Variants in DTX1 observed in about 807,000 individuals in gnomAD.
DTX1 encodes the protein deltex E3 ubiquitin ligase 1, also known as E3 ubiquitin-protein ligase DTX1.
A neutral mutation model predicts 57.8 loss-of-function variants in DTX1; 26 were observed. The observed-to-expected ratio is 0.45, with a 90% CI of 0.33 to 0.62. DTX1 has a LOEUF of 0.62. Ranked by LOEUF, DTX1 falls within the 20% of genes least tolerant of loss-of-function variation. The pLI, the probability that DTX1 is intolerant of heterozygous loss-of-function variation, is 0.02. For missense variants in DTX1, 704 were observed against 895.3 expected, an observed-to-expected ratio of 0.79 and a Z score of 2.73; for synonymous variants, 398 against 394.1, an observed-to-expected ratio of 1.01 and a Z score of -0.12.
intron 3 of DTX1, among the ~76,000 whole-genome samples, chr12:113,082,020 C>T (rs981154978): frequency 2.0e-5 from 3 of 151,954 alleles, no homozygotes; most frequent in African/African-American, 4.8e-5. Flanking sequence ...TTTGGGGGTG[C>T]GGATCATTAA....
At chr12:113,079,383 C>T (rs902837997) in intron 3 of DTX1, among the ~76,000 whole-genome samples, 1 of 152,156 alleles carries the variant, frequency 6.6e-6, no homozygotes, top group African/African-American at 2.4e-5. Context: ...GCATCCAGCT[C>T]ACCCCTTTTA....
At position 113,060,464 on chromosome 12, in the gene DTX1, G is replaced by T. The variant is rs188783636; in HGVS notation, c.259+2013G>T. Among the ~76,000 whole-genome samples the T allele has an allele frequency of 2.6e-5, 4 of 152,300 alleles. No homozygotes were observed. In the East Asian group the frequency reaches 5.8e-4, roughly 22 times the overall value. ...CCTGAGAAAGTGATGTTTGAACAGAGATCTGAAGAATGAGTGAGGGTGCCA... is the reference window on the plus strand; with the variant it reads ...CCTGAGAAAGTGATGTTTGAACAGATATCTGAAGAATGAGTGAGGGTGCCA... On this transcript the variant is annotated intron_variant, in intron 2 of 9. Coordinates refer to ENST00000548759, the MANE Select transcript of DTX1 (RefSeq NM_004416.3).
rs1950266153 is a variant in DTX1, at chr12:113,093,983, G to C, written c.1166-55G>C. On this transcript the variant is annotated intron_variant, in intron 5 of 9. Coordinates refer to ENST00000548759, the MANE Select transcript of DTX1 (RefSeq NM_004416.3). The surrounding 1 kb of genome is among the most constrained non-coding windows in gnomAD (Gnocchi z 4.2). ...GACCCCTGACCCAGTTCTGAGCCAA[G>C]CCTTCGGGGACAGACTCTGGGTACC... is the stretch of plus-strand genomic sequence containing the variant. 3.4e-5 allele frequency: 53 copies of C among 1,555,584 alleles called. No homozygotes were observed. Among genetic ancestry groups the C allele is most frequent in the Non-Finnish European group, 4.5e-5 (52 of 1,148,120 alleles).
intron 3 of DTX1, chr12:113,090,062 C>T (rs1379863): frequency 0.96 from 145,875 of 152,296 alleles, 69,960 homozygotes; most frequent in Admixed American, 0.98. Context: ...CTGCCACAGG[C>T]AGGAGACCAA....
At chr12:113,073,264 G>A (rs1228389050) in intron 2 of DTX1, among the ~76,000 whole-genome samples, 2 of 152,174 alleles carry the variant, frequency 1.3e-5, no homozygotes, top group African/African-American at 4.8e-5. Context: ...GGGAAACTGA[G>A]GCCCTGAGAG....
chr12:113,087,035 C>A, intron 3 of DTX1, among the ~76,000 whole-genome samples: 1 of 152,022 alleles, frequency 6.6e-6, no homozygotes, highest in Non-Finnish European at 1.5e-5. Context: ...GCCCTCCCCT[C>A]CCCTACCTGA....
intron 3 of DTX1, among the ~76,000 whole-genome samples, chr12:113,090,650 C>T (rs867510381): frequency 5.9e-5 from 9 of 152,200 alleles, no homozygotes; most frequent in Middle Eastern, 6.3e-3. Context: ...ATCACACCGG[C>T]GCCTCCTCAA....
intron 9 of DTX1, among the ~76,000 whole-genome samples, chr12:113,096,341 G>A (rs1471793848): frequency 1.1e-4 from 16 of 150,932 alleles, no homozygotes; most frequent in African/African-American, 3.7e-4. Context: ...TGGAGAGGCT[G>A]ATGTGGGACG....
chr12:113,082,860 G>T (rs1281677505), intron 3 of DTX1, among the ~76,000 whole-genome samples: 1 of 152,176 alleles, frequency 6.6e-6, no homozygotes, highest in Non-Finnish European at 1.5e-5. Flanking sequence ...GCCTCCAAAA[G>T]TGCTGGGAAT....
intron 3 of DTX1, among the ~76,000 whole-genome samples, chr12:113,079,200 T>A (rs1626561): frequency 0.4 from 61,433 of 151,860 alleles, 12,599 homozygotes; most frequent in African/African-American, 0.45. Flanking sequence ...GACCTTGAAC[T>A]TGGGACAGAC....
At position 113,093,960 on chromosome 12, in the gene DTX1, C is replaced by T. The variant is rs1463597974; in HGVS notation, c.1166-78C>T. On this transcript the variant is annotated intron_variant, in intron 5 of 9. Coordinates refer to ENST00000548759, the MANE Select transcript of DTX1 (RefSeq NM_004416.3). The surrounding 1 kb of genome is among the most constrained non-coding windows in gnomAD (Gnocchi z 4.2). ...TGCCAGCCTGACCCCTGCCCTCTGACCCCTGACCCAGTTCTGAGCCAAGCC... is the reference window on the plus strand; with the variant it reads ...TGCCAGCCTGACCCCTGCCCTCTGATCCCTGACCCAGTTCTGAGCCAAGCC... The T allele has an allele frequency of 2.6e-6, 4 of 1,543,046 alleles. No homozygotes were observed. Among genetic ancestry groups the T allele is most frequent in the Non-Finnish European group, 3.5e-6 (4 of 1,138,174 alleles).
chr12:113,095,390 A>G lies in DTX1; in HGVS notation c.1614A>G (p.Leu538=). ...GAGGATTCCCTCGCCACTGCTATCT[A>G]CCCAACAACGAGAAAGGCCGGAAGG... ...TARGFPRHCY[L]PNNEKGRKVL... is the part of the protein sequence containing the mutation. The change falls in exon 9 of 10, where the codon CTA becomes CTG. Residue 538 remains leucine, a synonymous_variant. Coordinates refer to ENST00000548759, the MANE Select transcript of DTX1 (RefSeq NM_004416.3). 3 of 1,614,122 alleles carry G rather than the reference A, an allele frequency of 1.9e-6. No individual in the cohort carries two copies. Among genetic ancestry groups the G allele is most frequent in the South Asian group, 1.1e-5 (1 of 91,060 alleles).
At chr12:113,088,437 C>T (rs1185695169) in intron 3 of DTX1, among the ~76,000 whole-genome samples, 3 of 152,136 alleles carry the variant, frequency 2.0e-5, no homozygotes, top group Non-Finnish European at 4.4e-5. Flanking sequence ...GCAGAAGAGG[C>T]GGCGTGGACC....
chr12:113,093,911 GCCAGCCTGACCCCGGCCAAC>G lies in DTX1; in HGVS notation c.1166-124_1166-105del. On this transcript the variant is annotated intron_variant, in intron 5 of 9. Coordinates refer to ENST00000548759, the MANE Select transcript of DTX1 (RefSeq NM_004416.3). The surrounding 1 kb of genome is among the most constrained non-coding windows in gnomAD (Gnocchi z 4.2). ...TGACCTCTGACCCTGGCCAACCCTT[GCCAGCCTGACCCCGGCCAAC>G]CCTTGCCAGCCTGACCCCTGCCCTC... 1 of 1,458,132 alleles carries G rather than the reference GCCAGCCTGACCCCGGCCAAC, an allele frequency of 6.9e-7. No individual in the cohort carries two copies. The highest frequency in any genetic ancestry group is 9.4e-7 in the Non-Finnish European group (1 of 1,064,308). The allele number at this position is 1,458,132 out of a possible 1,614,324, so 90.3% of individuals were successfully genotyped here.
chr12:113,070,416 A>T (rs1418155354), intron 2 of DTX1, among the ~76,000 whole-genome samples: 2 of 152,106 alleles, frequency 1.3e-5, no homozygotes, highest in African/African-American at 2.4e-5. Context: ...GGGTGCCCCC[A>T]AACTGAGATC....
rs372573770 is a variant in DTX1, at chr12:113,077,375, G to A, written c.260-49G>A. On this transcript the variant is annotated intron_variant, in intron 2 of 9. Coordinates refer to ENST00000548759, the MANE Select transcript of DTX1 (RefSeq NM_004416.3). This position sits in a 1 kb window ranked among gnomAD's most constrained non-coding sequence, Gnocchi z 7.8. ...GGCTGTGGCCCGCCCTTCCAGCCGC[G>A]CAGACCAACGCCCGCTGTGCTGACG... 1.6e-5 allele frequency: 24 copies of A among 1,526,792 alleles called. No individual in the cohort carries two copies. The highest frequency in any genetic ancestry group is 2.1e-5 in the Non-Finnish European group (24 of 1,143,590). The allele number at this position is 1,526,792 out of a possible 1,614,324, so 94.6% of individuals were successfully genotyped here.
At chr12:113,090,843 G>A (rs1950242261) in intron 3 of DTX1, among the ~76,000 whole-genome samples, 1 of 152,218 alleles carries the variant, frequency 6.6e-6, no homozygotes. Flanking sequence ...GGCCTCCCAG[G>A]CTGAGTGTCT....
At chr12:113,082,424 C>T (rs1369903137) in intron 3 of DTX1, among the ~76,000 whole-genome samples, 5 of 152,130 alleles carry the variant, frequency 3.3e-5, no homozygotes, top group Admixed American at 3.3e-4. Flanking sequence ...TGGCTTCTTC[C>T]GCCTAAAGCT....
chr12:113,094,956 G>T lies in DTX1; in HGVS notation c.1386+9G>T. ...ACTCCAATGGCAACAAGGTGGGTTG[G>T]GCGGGACAATGGCTGAGGAGTGGGC... On this transcript the variant is annotated intron_variant, in intron 7 of 9. Coordinates refer to ENST00000548759, the MANE Select transcript of DTX1 (RefSeq NM_004416.3). The T allele has an allele frequency of 6.2e-7, 1 of 1,611,190 alleles. No homozygotes were observed. Among genetic ancestry groups the T allele is most frequent in the Non-Finnish European group, 8.5e-7 (1 of 1,177,788 alleles).
Sources: allele counts gnomAD v4.1 joint callset (sites outside exome capture counted in the v4.1 genomes callset), GRCh38; gene constraint gnomAD v4.1.1; non-coding constraint Gnocchi (gnomAD v3.1); transcripts MANE v1.5; gene names NCBI Gene and HGNC (gene_info 2026-07-23, HGNC 2026-07-21).